Variants in CADPS2 observed in about 807,000 individuals in gnomAD.
CADPS2 encodes calcium-dependent secretion activator 2.
Under a neutral mutation model 172.5 loss-of-function variants are expected in CADPS2, and 93 were observed. That is an observed-to-expected ratio of 0.54 (90% CI 0.46 to 0.64). CADPS2 has a LOEUF of 0.64. CADPS2 is among the 30% of genes least tolerant of loss of function. The probability of loss-of-function intolerance (pLI) is 0.00; values close to 1 mark genes in which losing one functional copy is unlikely to be tolerated. For synonymous variants in CADPS2, 546 were observed against 555.2 expected (o/e 0.98, Z 0.23); for missense variants, 1,420 against 1,565.9 (o/e 0.91, Z 1.57).
At chr7:122,643,184 T>C (rs1306054255) in intron 3 of CADPS2, among the ~76,000 whole-genome samples, 2 of 152,202 alleles carry the variant, frequency 1.3e-5, no homozygotes, top group Non-Finnish European at 2.9e-5. Context: ...AGTGTTTCAT[T>C]TGGAAATGCC....
At chr7:122,603,886 T>C (rs538315331) in intron 6 of CADPS2, among the ~76,000 whole-genome samples, 64 of 152,288 alleles carry the variant, frequency 4.2e-4, no homozygotes, top group African/African-American at 1.5e-3. Flanking sequence ...TGCCAGAGGC[T>C]GAAGGTGAGG....
At chr7:122,498,348 T>C (rs556678987) in intron 9 of CADPS2, among the ~76,000 whole-genome samples, 1 of 152,326 alleles carries the variant, frequency 6.6e-6, no homozygotes, top group African/African-American at 2.4e-5. Context: ...TTATGGTTAA[T>C]ACTTATTGTA....
chr7:122,745,614 GTTCTTAT>G (rs2092689981), intron 1 of CADPS2, among the ~76,000 whole-genome samples: 2 of 146,460 alleles, frequency 1.4e-5, no homozygotes, highest in African/African-American at 5.0e-5. Context: ...CTAAAACCAA[GTTCTTAT>G]CCTAAAGCCG....
intron 2 of CADPS2, among the ~76,000 whole-genome samples, chr7:122,681,088 A>G (rs1376230443): frequency 7.1e-6 from 1 of 139,884 alleles, no homozygotes; most frequent in Non-Finnish European, 1.5e-5. Flanking sequence ...ATGAGACCAC[A>G]TGGACACAGG....
At chr7:122,838,957 GC>G (rs1809481258) in intron 1 of CADPS2, among the ~76,000 whole-genome samples, 1 of 152,164 alleles carries the variant, frequency 6.6e-6, no homozygotes, top group South Asian at 2.1e-4. Flanking sequence ...CCAAAAAAGA[GC>G]CTGTATTGCC....
At chr7:122,619,214 A>G (rs2075301449) in intron 5 of CADPS2, among the ~76,000 whole-genome samples, 1 of 152,184 alleles carries the variant, frequency 6.6e-6, no homozygotes, top group South Asian at 2.1e-4. Context: ...TTTTTGAACA[A>G]TAGAGAAAAG....
At chr7:122,617,199 A>G (rs73435731) in intron 5 of CADPS2, among the ~76,000 whole-genome samples, 1 of 152,156 alleles carries the variant, frequency 6.6e-6, no homozygotes, top group African/African-American at 2.4e-5. Context: ...TCTGCTTTTC[A>G]AAACAATACT....
chr7:122,422,570 CACATAAACAA>C (rs2048653810), intron 17 of CADPS2, among the ~76,000 whole-genome samples: 2 of 152,120 alleles, frequency 1.3e-5, no homozygotes, highest in African/African-American at 2.4e-5. Context: ...ATGCTTTGGG[CACATAAACAA>C]ATTGTTCTAA....
intron 1 of CADPS2, among the ~76,000 whole-genome samples, chr7:122,803,868 A>T (rs1350263009): frequency 6.6e-6 from 1 of 151,336 alleles, no homozygotes; most frequent in Non-Finnish European, 1.5e-5. Context: ...CTTATATTCA[A>T]ATTTCTCTAG....
At chr7:122,502,575 T>C (rs1031520072) in intron 9 of CADPS2, among the ~76,000 whole-genome samples, 2 of 152,112 alleles carry the variant, frequency 1.3e-5, no homozygotes, top group African/African-American at 4.8e-5. Context: ...GAACCTGTTT[T>C]ATTGTTCCAT....
intron 1 of CADPS2, among the ~76,000 whole-genome samples, chr7:122,866,266 T>G (rs1356811318): frequency 2.0e-5 from 3 of 152,214 alleles, no homozygotes. Flanking sequence ...ATATTCTATA[T>G]TACCTCTCAG....
chr7:122,708,074 T>C (rs1274908899), intron 2 of CADPS2, among the ~76,000 whole-genome samples: 1 of 151,888 alleles, frequency 6.6e-6, no homozygotes, highest in Non-Finnish European at 1.5e-5. Context: ...CTCATATAGT[T>C]ATCCATTTGT....
intron 6 of CADPS2, among the ~76,000 whole-genome samples, chr7:122,590,179 A>G (rs2070544982): frequency 6.6e-6 from 1 of 151,820 alleles, no homozygotes; most frequent in Non-Finnish European, 1.5e-5. Flanking sequence ...ACAAACAAAC[A>G]AAAAAACAAA....
At chr7:122,780,312 A>G (rs1236130640) in intron 1 of CADPS2, among the ~76,000 whole-genome samples, 1 of 152,106 alleles carries the variant, frequency 6.6e-6, no homozygotes, top group Admixed American at 6.5e-5. Flanking sequence ...CCTCTCTGCA[A>G]CTGCTAACAA....
At chr7:122,609,214 G>T (rs906661868) in intron 6 of CADPS2, among the ~76,000 whole-genome samples, 2 of 152,066 alleles carry the variant, frequency 1.3e-5, no homozygotes, top group South Asian at 4.2e-4. Context: ...TAAAAGACTA[G>T]TACATATAAG....
At chr7:122,505,056 T>C (rs1405714313) in intron 9 of CADPS2, among the ~76,000 whole-genome samples, 1 of 152,208 alleles carries the variant, frequency 6.6e-6, no homozygotes, top group African/African-American at 2.4e-5. Context: ...ATAATGTCTT[T>C]TAAAAATTAT....
At chr7:122,874,003 A>G (rs1429390109) in intron 1 of CADPS2, among the ~76,000 whole-genome samples, 1 of 150,968 alleles carries the variant, frequency 6.6e-6, no homozygotes, top group African/African-American at 2.4e-5. Context: ...CCACTTTTTG[A>G]TGGGTTTTTT....
At chr7:122,827,168 C>G (rs1805145815) in intron 1 of CADPS2, among the ~76,000 whole-genome samples, 1 of 152,118 alleles carries the variant, frequency 6.6e-6, no homozygotes, top group Admixed American at 6.6e-5. Flanking sequence ...AAAAATATGA[C>G]AGCTTACAGA....
chr7:122,737,293 C>T (rs1430533634), intron 1 of CADPS2, among the ~76,000 whole-genome samples: 1 of 152,086 alleles, frequency 6.6e-6, no homozygotes, highest in African/African-American at 2.4e-5. Context: ...GGTGCGATCT[C>T]GGCTCACTGC....
Sources: gnomAD v4.1 joint callset for allele counts (sites outside exome capture counted in the v4.1 genomes callset) on GRCh38, gnomAD v4.1.1 for gene constraint, MANE v1.5 for transcripts, NCBI Gene and HGNC (gene_info 2026-07-23, HGNC 2026-07-21) for gene names.